FMN2: variants seen among roughly 807,000 people sequenced by gnomAD.
FMN2 encodes formin 2.
A neutral mutation model predicts 142.3 loss-of-function variants in FMN2; 51 were observed. The observed-to-expected ratio is 0.36, with a 90% confidence interval of 0.29 to 0.45. The LOEUF (loss-of-function observed/expected upper bound fraction) is 0.45, where lower values mean the gene tolerates loss of function less well. Ranked by LOEUF, FMN2 falls within the 20% of genes least tolerant of loss-of-function variation. The pLI, the probability that FMN2 is intolerant of heterozygous loss-of-function variation, is 1.00. For synonymous variants in FMN2, 882 were observed against 869.8 expected (o/e 1.01, Z -0.25); for missense variants, 1,936 against 2,122.8 (o/e 0.91, Z 1.73).
intron 2 of FMN2, among the ~76,000 whole-genome samples, chr1:240,164,388 C>T (rs940615188): frequency 2.0e-5 from 3 of 152,086 alleles, no homozygotes; most frequent in African/African-American, 7.2e-5. Flanking sequence ...ATATTATCTC[C>T]ACAGGACATT....
intron 3 of FMN2, among the ~76,000 whole-genome samples, chr1:240,183,330 TAATC>T (rs1430388313): frequency 6.6e-6 from 1 of 151,440 alleles, no homozygotes; most frequent in Non-Finnish European, 1.5e-5. Flanking sequence ...GCCCCTCACT[TAATC>T]AAGGAATAAA....
At chr1:240,140,998 T>C (rs1012128082) in intron 2 of FMN2, among the ~76,000 whole-genome samples, 3 of 152,242 alleles carry the variant, frequency 2.0e-5, no homozygotes, top group Admixed American at 2.0e-4. Flanking sequence ...CAGGGCAGTT[T>C]GCTTTTTCCC....
At position 240,249,386 on chromosome 1, in the gene FMN2, T is replaced by C. The variant is rs537298356; in HGVS notation, c.4066-8559T>C. On this transcript the variant is annotated intron_variant, in intron 6 of 17. Transcript: ENST00000319653. ...TCCCTCATGTATGTTCTTGGTGTCT[T>C]TGTTGAAAATCAGTTGCCTGTAAAT... Among the ~76,000 whole-genome samples, 115 of 152,272 alleles carry C rather than the reference T, an allele frequency of 7.6e-4. 1 individual carries two copies. The highest frequency in any genetic ancestry group is 2.8e-3 in the African/African-American group (115 of 41,568).
At chr1:240,141,222 G>A (rs1184755690) in intron 2 of FMN2, among the ~76,000 whole-genome samples, 4 of 152,174 alleles carry the variant, frequency 2.6e-5, no homozygotes, top group Non-Finnish European at 5.9e-5. Context: ...TGAAAAAGAT[G>A]TCAGGGATAC....
chr1:240,365,569 T>TAAA (rs1558455028), intron 14 of FMN2, among the ~76,000 whole-genome samples: 2 of 152,204 alleles, frequency 1.3e-5, no homozygotes, highest in Admixed American at 6.5e-5. Context: ...TCATACACTA[T>TAAA]TTATGTGAGA....
rs58433196 is a variant in FMN2 at position 240,180,566 on chromosome 1, C to CTTT, written c.1930+2516_1930+2518dup. On this transcript the variant is annotated intron_variant, in intron 3 of 17. Transcript: ENST00000319653. The stretch of plus-strand genomic sequence containing the variant: ...ATCCACTGTATATAACACATGACCC[C>CTTT]TTTTTTTTTTTTTTTTTTTTAATGG... Among the ~76,000 whole-genome samples the CTTT allele has an allele frequency of 4.8e-4, 61 of 126,168 alleles. 1 individual carries two copies. Among genetic ancestry groups the CTTT allele is most frequent in the Non-Finnish European group, 5.9e-4 (36 of 61,176 alleles). 82.8% of individuals were successfully genotyped at this position (126,168 alleles called of 152,430 possible).
In FMN2 at chr1:240,112,991, T is replaced by C. The variant is rs183880108; in HGVS notation, c.1616-10188T>C. Among the ~76,000 whole-genome samples the C allele has an allele frequency of 1.8e-3, 268 of 152,364 alleles. 2 individuals carry two copies. The highest frequency in any genetic ancestry group is 2.9e-3 in the Non-Finnish European group (199 of 68,034). ...GCAAAGAGTAGGAGCTCAGGAAATA[T>C]GGTTGAATAAATAAACGTAAGCAAA... On this transcript the variant is annotated intron_variant, in intron 1 of 17. Transcript: ENST00000319653.
intron 7 of FMN2, among the ~76,000 whole-genome samples, chr1:240,294,464 G>A (rs1175903511): frequency 6.6e-6 from 1 of 152,178 alleles, no homozygotes; most frequent in Non-Finnish European, 1.5e-5. Flanking sequence ...AGCATTTATT[G>A]ATATAAAACT....
chr1:240,308,008 T>TG (rs11427500), intron 8 of FMN2, among the ~76,000 whole-genome samples: 34,810 of 152,040 alleles, frequency 0.23, 7,189 homozygotes, highest in African/African-American at 0.55. Flanking sequence ...ATTAGGTACA[T>TG]TATAGTTTTT....
At chr1:240,428,241 T>C (rs1402880399) in intron 15 of FMN2, among the ~76,000 whole-genome samples, 1 of 152,146 alleles carries the variant, frequency 6.6e-6, no homozygotes, top group Non-Finnish European at 1.5e-5. Context: ...GCCTTTTTTT[T>C]TTTTTAAATA....
intron 5 of FMN2, among the ~76,000 whole-genome samples, chr1:240,209,862 C>G (rs1303180903): frequency 6.6e-6 from 1 of 151,866 alleles, no homozygotes; most frequent in Non-Finnish European, 1.5e-5. Flanking sequence ...CGAGATCGCG[C>G]CACTGCACTC....
chr1:240,409,287 G>T (rs1234065080), intron 15 of FMN2, among the ~76,000 whole-genome samples: 2 of 151,970 alleles, frequency 1.3e-5, no homozygotes, highest in Non-Finnish European at 2.9e-5. Flanking sequence ...GACCGCAGGC[G>T]TACACCACCA....
chr1:240,451,358 C>CAAA (rs34283125), intron 16 of FMN2, among the ~76,000 whole-genome samples: 135 of 137,422 alleles, frequency 9.8e-4, no homozygotes, highest in African/African-American at 3.5e-3. Context: ...GACTCCATCT[C>CAAA]AAAAAAAAAA....
chr1:240,104,011 G>C (rs996518805), intron 1 of FMN2, among the ~76,000 whole-genome samples: 1 of 151,596 alleles, frequency 6.6e-6, no homozygotes, highest in African/African-American at 2.4e-5. Flanking sequence ...CGAGTAGCTG[G>C]GACTACAGGC....
intron 4 of FMN2, among the ~76,000 whole-genome samples, chr1:240,190,497 T>C (rs1468886764): frequency 6.6e-6 from 1 of 152,204 alleles, no homozygotes; most frequent in African/African-American, 2.4e-5. Flanking sequence ...TGTATACCTG[T>C]TCTTTTACTC....
intron 15 of FMN2, among the ~76,000 whole-genome samples, chr1:240,419,636 T>C (rs955559574): frequency 1.2e-4 from 19 of 152,270 alleles, no homozygotes; most frequent in Non-Finnish European, 1.9e-4. Context: ...CCTCGAGACA[T>C]CTGAGTATTT....
chr1:240,298,818 G>A (rs897951311), intron 8 of FMN2, among the ~76,000 whole-genome samples: 1 of 152,170 alleles, frequency 6.6e-6, no homozygotes, highest in African/African-American at 2.4e-5. Context: ...GACCGCTGCT[G>A]TCTATGTAAG....
chr1:240,353,709 T>C (rs1425226422), intron 13 of FMN2, among the ~76,000 whole-genome samples: 1 of 152,204 alleles, frequency 6.6e-6, no homozygotes, highest in Non-Finnish European at 1.5e-5. Flanking sequence ...ATATTAATCA[T>C]CTACTTCAAA....
intron 15 of FMN2, among the ~76,000 whole-genome samples, chr1:240,431,606 A>G (rs1675179649): frequency 6.6e-6 from 1 of 151,512 alleles, no homozygotes; most frequent in Non-Finnish European, 1.5e-5. Context: ...GGTTTTTCAT[A>G]GATAGTATTT....
Sources: allele counts gnomAD v4.1 joint callset (sites outside exome capture counted in the v4.1 genomes callset), GRCh38; gene constraint gnomAD v4.1.1; transcripts MANE v1.5; gene names NCBI Gene and HGNC (gene_info 2026-07-23, HGNC 2026-07-21).